The following ATP6V0A1 variants were observed in gnomAD, a reference collection of about 807,000 sequenced individuals.
The protein encoded by ATP6V0A1 is V-type proton ATPase 116 kDa subunit a 1.
In ATP6V0A1, 43 loss-of-function variants were observed where a neutral mutation model predicts 105.4. The ratio of observed to expected loss-of-function variants is 0.41; its 90% CI spans 0.32 to 0.53. ATP6V0A1 has a LOEUF of 0.53. Ranked by LOEUF, ATP6V0A1 falls within the 20% of genes least tolerant of loss-of-function variation. The probability of loss-of-function intolerance (pLI) is 0.30; values close to 1 mark genes in which losing one functional copy is unlikely to be tolerated. For synonymous variants in ATP6V0A1, 362 were observed against 372.8 expected (o/e 0.97, Z 0.33); for missense variants, 676 against 1,051.1 (o/e 0.64, Z 4.93).
intron 17 of ATP6V0A1, among the ~76,000 whole-genome samples, chr17:42,505,752 A>C (rs2091979359): frequency 6.6e-6 from 1 of 151,274 alleles, no homozygotes; most frequent in African/African-American, 2.4e-5. Context: ...TTGCTATCAC[A>C]AACAGCAATT....
intron 12 of ATP6V0A1, chr17:42,494,750 T>C: frequency 2.1e-6 from 1 of 468,588 alleles, no homozygotes; most frequent in Non-Finnish European, 3.7e-6. Context: ...TCTAAAAAAA[T>C]AAAAATTATT....
intron 17 of ATP6V0A1, among the ~76,000 whole-genome samples, 174 bp downstream of exon 17, chr17:42,501,478 G>C (rs753318076): frequency 6.6e-6 from 1 of 151,948 alleles, no homozygotes; most frequent in Non-Finnish European, 1.5e-5. Flanking sequence ...GCAGTGGTAC[G>C]ATCTTGGCTC....
intron 21 of ATP6V0A1, chr17:42,519,011 AG>A (rs1477318042): frequency 1.3e-5 from 2 of 152,262 alleles, no homozygotes; most frequent in Non-Finnish European, 2.9e-5. Context: ...CCACGGAAGG[AG>A]GTGAAATCAG....
At chr17:42,516,856 C>T (rs1001158357) in intron 21 of ATP6V0A1, among the ~76,000 whole-genome samples, 1 of 152,220 alleles carries the variant, frequency 6.6e-6, no homozygotes, top group African/African-American at 2.4e-5. Context: ...ACTGTCACAC[C>T]AGGCAGGGAA....
chr17:42,478,675 G>T (rs2089088245), intron 7 of ATP6V0A1, 86 bp downstream of exon 7: 3 of 1,362,666 alleles, frequency 2.2e-6, no homozygotes, highest in Admixed American at 2.5e-5. Flanking sequence ...CCTGAATCCA[G>T]TGCTTCCACA....
chr17:42,516,791 A>G (rs1057460683), intron 21 of ATP6V0A1, among the ~76,000 whole-genome samples: 1 of 152,230 alleles, frequency 6.6e-6, no homozygotes, highest in Non-Finnish European at 1.5e-5. Context: ...AACTGAAGTG[A>G]TGAGTGGCAG....
intron 5 of ATP6V0A1, among the ~76,000 whole-genome samples, chr17:42,471,942 T>C (rs2088015128): frequency 6.6e-6 from 1 of 152,168 alleles, no homozygotes; most frequent in Non-Finnish European, 1.5e-5. Flanking sequence ...TTGACAATAT[T>C]AGACACTTTA....
chr17:42,499,822 A>G (rs2091518605), intron 15 of ATP6V0A1, among the ~76,000 whole-genome samples: 1 of 151,938 alleles, frequency 6.6e-6, no homozygotes, highest in Non-Finnish European at 1.5e-5. Flanking sequence ...CTTAAATTAG[A>G]CTTAATATTA....
intron 2 of ATP6V0A1, 70 bp downstream of exon 2, chr17:42,461,081 A>G (rs1245329219): frequency 3.8e-6 from 5 of 1,300,034 alleles, no homozygotes; most frequent in South Asian, 2.4e-5. Flanking sequence ...ATGCCTTATG[A>G]TGAATGTTTT....
chr17:42,460,687 C>G (rs767010523), intron 1 of ATP6V0A1, among the ~76,000 whole-genome samples, 161 bp from the exon 2 acceptor site: 2 of 152,240 alleles, frequency 1.3e-5, no homozygotes, highest in African/African-American at 4.8e-5. Context: ...ACTGCCTTTG[C>G]AATTTCTCCT....
intron 18 of ATP6V0A1, among the ~76,000 whole-genome samples, chr17:42,507,944 C>G (rs768288199): frequency 6.6e-6 from 1 of 152,194 alleles, no homozygotes; most frequent in African/African-American, 2.4e-5. Flanking sequence ...CATCCCAGCT[C>G]TTATGACCTG....
chr17:42,480,828 T>C, intron 8 of ATP6V0A1, 79 bp downstream of exon 8: 1 of 1,325,224 alleles, frequency 7.5e-7, no homozygotes, highest in Admixed American at 2.2e-5. Flanking sequence ...AATAGTGAAA[T>C]ACAAATCCTT....
chr17:42,511,023 G>A (rs1439647714), intron 19 of ATP6V0A1: 1 of 152,228 alleles, frequency 6.6e-6, no homozygotes, highest in Non-Finnish European at 1.5e-5. Context: ...AATAGAAGTT[G>A]ATCTCGGTGT....
Position 42,514,399 on chromosome 17 carries a change from G to A in ATP6V0A1, c.2359G>A (p.Val787Met), listed in dbSNP as rs1486679169. The A allele has an allele frequency of 2.5e-6, 4 of 1,613,484 alleles. No homozygotes were observed. The highest frequency in any genetic ancestry group is 1.7e-5 in the Admixed American group (1 of 59,902). The change falls in exon 21 of 22, where the codon GTG becomes ATG. Residue 787 changes from valine (V) to methionine (M), a missense_variant. Physicochemically the swap from Val to Met is conservative, Grantham distance 21. Coordinates refer to ENST00000343619, the MANE Select transcript of ATP6V0A1 (RefSeq NM_001130021.3). The stretch of plus-strand genomic sequence containing the variant: ...CTTCACTGCCTTTGCCACCCTGACC[G>A]TGGCCATCCTCCTGATCATGGAGGG... ...FFFTAFATLTVAILLIMEGLS... is the reference protein window; with the variant it reads ...FFFTAFATLTMAILLIMEGLS...
rs763505192 is a variant in ATP6V0A1 at position 42,495,002 on chromosome 17, C to T, written c.1315-32C>T. 8 of 1,603,848 alleles carry T rather than the reference C, an allele frequency of 5.0e-6. No homozygotes were observed. In the African/African-American group the frequency reaches 9.4e-5, roughly 19 times the overall value. On this transcript the variant is annotated intron_variant, in intron 12 of 21. Transcript: ENST00000343619. ...GTCACAATGTGAGCTGCAGTGAGTA[C>T]ATTCTCATTACTTCTTTCTTCTGGT... is the stretch of plus-strand genomic sequence containing the variant.
intron 5 of ATP6V0A1, among the ~76,000 whole-genome samples, chr17:42,475,579 A>G (rs781233287): frequency 3.9e-5 from 6 of 152,146 alleles, no homozygotes; most frequent in Non-Finnish European, 7.4e-5. Flanking sequence ...GTGTGGCCCA[A>G]GACAGTTCTT....
chr17:42,460,865 G>A lies in ATP6V0A1; in HGVS notation c.-30G>A, dbSNP rs760389071. On this transcript the variant is annotated 5_prime_UTR_variant, in exon 2 of 22. Coordinates refer to ENST00000343619, the MANE Select transcript of ATP6V0A1 (RefSeq NM_001130021.3). ...TGCTTCAGGTTGGAGAGAAATCCAG[G>A]TACTCACTAGACTGGTACCTTCTGC... The A allele has an allele frequency of 6.5e-7, 1 of 1,547,492 alleles. No individual in the cohort carries two copies. Among genetic ancestry groups the A allele is most frequent in the South Asian group, 1.1e-5 (1 of 89,632 alleles).
chr17:42,494,380 T>C lies in ATP6V0A1; in HGVS notation c.1221T>C (p.Phe407=), dbSNP rs1370462321. Residue 407 remains phenylalanine, a synonymous_variant, in exon 12 of 22, where the codon TTT becomes TTC. Coordinates refer to ENST00000343619, the MANE Select transcript of ATP6V0A1 (RefSeq NM_001130021.3). ...TCCCTTTTCTATTTGCTGTGATGTT[T>C]GGAGACTTCGGTCATGGCATTTTAA... ...ITFPFLFAVM[F]GDFGHGILMT... The C allele has an allele frequency of 6.2e-7, 1 of 1,613,960 alleles. No individual in the cohort carries two copies. Among genetic ancestry groups the C allele is most frequent in the Non-Finnish European group, 8.5e-7 (1 of 1,179,810 alleles).
chr17:42,495,741 C>G (rs1567847419), intron 14 of ATP6V0A1, 25 bp downstream of exon 14: 1 of 1,570,772 alleles, frequency 6.4e-7, no homozygotes, highest in Non-Finnish European at 8.8e-7. Context: ...TTCCTATATG[C>G]TAACCTCAAA....
Sources: allele counts gnomAD v4.1 joint callset (sites outside exome capture counted in the v4.1 genomes callset), GRCh38; gene constraint gnomAD v4.1.1; transcripts MANE v1.5; gene names NCBI Gene and HGNC (gene_info 2026-07-23, HGNC 2026-07-21).